PSIP1: variants seen among roughly 807,000 people sequenced by gnomAD.
PSIP1 encodes the protein PC4 and SRSF1 interacting protein 1.
A neutral mutation model predicts 74.7 loss-of-function variants in PSIP1; 19 were observed. That is an observed-to-expected ratio of 0.25 (90% CI 0.18 to 0.37). PSIP1 has a LOEUF of 0.37. Ranked by LOEUF, PSIP1 falls within the 10% of genes least tolerant of loss-of-function variation. The pLI is 1.00. For missense variants in PSIP1, 601 were observed against 614.3 expected, an observed-to-expected ratio of 0.98 and a Z score of 0.23; for synonymous variants, 222 against 195.3, an observed-to-expected ratio of 1.14 and a Z score of -1.14.
At chr9:15,486,953 A>C in intron 4 of PSIP1, 22 bp from the exon 5 acceptor site, 1 of 1,469,710 alleles carries the variant, frequency 6.8e-7, no homozygotes, top group African/African-American at 1.4e-5. Context: ...CAACTCTATT[A>C]ATTTCAAAAA....
In PSIP1 at chr9:15,506,608, C is replaced by T; in HGVS notation, c.102G>A (p.Lys34=). The T allele has an allele frequency of 6.2e-7, 1 of 1,612,706 alleles. No homozygotes were observed. The highest frequency in any genetic ancestry group is 8.5e-7 in the Non-Finnish European group (1 of 1,178,988). The change falls in exon 3 of 16, where the codon AAG becomes AAA. Residue 34 remains lysine, a synonymous_variant. Transcript: ENST00000380733. ...AAATGGGTAGTTTGTTTGTGGGTGG[C>T]TTTACAGCTCCATCAGGAACTTCGT... ...RVDEVPDGAV[K]PPTNKLPIFF...
At chr9:15,481,878 G>C (rs990316539) in intron 6 of PSIP1, among the ~76,000 whole-genome samples, 22 of 151,814 alleles carry the variant, frequency 1.4e-4, no homozygotes, top group African/African-American at 5.3e-4. Context: ...TAAAATCAAA[G>C]AATAATAAAT....
At position 15,488,759 on chromosome 9, in the gene PSIP1, G is replaced by A. The variant is rs150231407; in HGVS notation, c.288+1227C>T. Among the ~76,000 whole-genome samples, 176 of 150,834 alleles carry A rather than the reference G, an allele frequency of 1.2e-3. 2 individuals are homozygous for A. The highest frequency in any genetic ancestry group is 4.1e-3 in the African/African-American group (170 of 40,990). ...AAATTAGGCTGGACACAGTGGCTCA[G>A]GCCTGTAATCCCAACACTCTGGGGG... is the stretch of plus-strand genomic sequence containing the variant. On this transcript the variant is annotated intron_variant, in intron 4 of 15. Transcript: ENST00000380733.
intron 3 of PSIP1, among the ~76,000 whole-genome samples, chr9:15,497,563 G>A (rs1431775724): frequency 6.6e-6 from 1 of 151,920 alleles, no homozygotes; most frequent in East Asian, 1.9e-4. Context: ...CTGACCTCGT[G>A]ATCCGCCCAC....
intron 5 of PSIP1, among the ~76,000 whole-genome samples, chr9:15,486,358 G>A (rs62571008): frequency 0.042 from 6,329 of 152,240 alleles, 145 homozygotes; most frequent in South Asian, 0.071. Flanking sequence ...TATAGGGGTG[G>A]ATAAATTTGA....
At chr9:15,478,037 A>G (rs2036168272) in intron 8 of PSIP1, among the ~76,000 whole-genome samples, 1 of 150,718 alleles carries the variant, frequency 6.6e-6, no homozygotes, top group Non-Finnish European at 1.5e-5. Context: ...CTAAAGTGGG[A>G]AGAGGCTCCT....
At chr9:15,503,286 G>A (rs562790505) in intron 3 of PSIP1, among the ~76,000 whole-genome samples, 5 of 152,142 alleles carry the variant, frequency 3.3e-5, no homozygotes, top group Admixed American at 2.6e-4. Flanking sequence ...GGAATCACTT[G>A]TATCTCAGAG....
intron 3 of PSIP1, chr9:15,505,569 C>T (rs919430128): frequency 1.3e-5 from 2 of 152,120 alleles, no homozygotes; most frequent in Non-Finnish European, 2.9e-5. Context: ...ATGTCCAGAA[C>T]TGGTAAGTCT....
chr9:15,482,744 T>C (rs1213849575), intron 6 of PSIP1, among the ~76,000 whole-genome samples: 1 of 152,222 alleles, frequency 6.6e-6, no homozygotes, highest in African/African-American at 2.4e-5. Context: ...TTCCCTTAGC[T>C]ATGAAAATCC....
intron 5 of PSIP1, 28 bp from the exon 6 acceptor site, chr9:15,486,096 C>T: frequency 6.6e-7 from 1 of 1,518,510 alleles, no homozygotes; most frequent in Non-Finnish European, 9.0e-7. Context: ...AAACTGAATA[C>T]TGAATAAATT....
chr9:15,491,227 G>C (rs80243146), intron 3 of PSIP1, among the ~76,000 whole-genome samples: 6,575 of 152,244 alleles, frequency 0.043, 473 homozygotes, highest in African/African-American at 0.15. Context: ...CAACATGAAA[G>C]AACACTTTAG....
intron 3 of PSIP1, among the ~76,000 whole-genome samples, chr9:15,502,315 T>A (rs1454466844): frequency 1.3e-5 from 2 of 152,156 alleles, no homozygotes; most frequent in Non-Finnish European, 2.9e-5. Flanking sequence ...GACATAACCA[T>A]CTTTTTCCCC....
chr9:15,494,080 A>C (rs2036961490), intron 3 of PSIP1, among the ~76,000 whole-genome samples: 1 of 152,216 alleles, frequency 6.6e-6, no homozygotes, highest in Non-Finnish European at 1.5e-5. Flanking sequence ...AAGCAACAGG[A>C]AAATGGAACT....
intron 3 of PSIP1, among the ~76,000 whole-genome samples, chr9:15,501,509 G>T (rs142156553): frequency 4.9e-4 from 75 of 152,032 alleles, no homozygotes; most frequent in African/African-American, 1.7e-3. Context: ...CCCCGCAAAG[G>T]GAAAACAAAA....
At chr9:15,470,064 A>T in intron 10 of PSIP1, 71 bp from the exon 11 acceptor site, 1 of 1,244,488 alleles carries the variant, frequency 8.0e-7, no homozygotes, top group South Asian at 1.2e-5. Flanking sequence ...TCCCTATGTA[A>T]AAGCTAAAAA....
chr9:15,508,829 G>C (rs1190293560), intron 2 of PSIP1, among the ~76,000 whole-genome samples: 1 of 152,170 alleles, frequency 6.6e-6, no homozygotes, highest in Non-Finnish European at 1.5e-5. Context: ...GGAGGTCAAA[G>C]CATACACAGA....
chr9:15,489,605 C>A (rs1300398236), intron 4 of PSIP1, among the ~76,000 whole-genome samples: 16 of 121,558 alleles, frequency 1.3e-4, no homozygotes, highest in African/African-American at 5.7e-4. Flanking sequence ...CGAAACTACA[C>A]CTCAAAAAAA....
At chr9:15,508,783 A>AT (rs2037716957) in intron 2 of PSIP1, among the ~76,000 whole-genome samples, 1 of 152,238 alleles carries the variant, frequency 6.6e-6, no homozygotes, top group African/African-American at 2.4e-5. Flanking sequence ...AACAAATTCC[A>AT]TTTAAGGTTG....
chr9:15,503,898 T>TGCC (rs2037459110), intron 3 of PSIP1, among the ~76,000 whole-genome samples: 1 of 152,036 alleles, frequency 6.6e-6, no homozygotes, highest in Non-Finnish European at 1.5e-5. Context: ...AGGTGCACAC[T>TGCC]ACCATGCCAG....
Sources: allele counts gnomAD v4.1 joint callset (sites outside exome capture counted in the v4.1 genomes callset), GRCh38; gene constraint gnomAD v4.1.1; transcripts MANE v1.5; gene names NCBI Gene and HGNC (gene_info 2026-07-23, HGNC 2026-07-21).